Variants in SLC24A3 observed in about 807,000 individuals in gnomAD.
The protein encoded by SLC24A3 is solute carrier family 24 member 3.
SLC24A3 carries 28 observed loss-of-function variants against 75.8 expected under a neutral mutation model. The observed-to-expected ratio is 0.37, with a 90% CI of 0.27 to 0.51. SLC24A3 has a LOEUF of 0.51. Ranked by LOEUF, SLC24A3 falls within the 20% of genes least tolerant of loss-of-function variation. The pLI, the probability that SLC24A3 is intolerant of heterozygous loss-of-function variation, is 0.94. For synonymous variants in SLC24A3, 372 were observed against 334.1 expected, an observed-to-expected ratio of 1.11 and a Z score of -1.24; for missense variants, 663 against 847.8, an observed-to-expected ratio of 0.78 and a Z score of 2.71.
At chr20:19,577,263 G>C (rs2031151724) in intron 3 of SLC24A3, among the ~76,000 whole-genome samples, 1 of 152,084 alleles carries the variant, frequency 6.6e-6, no homozygotes, top group South Asian at 2.1e-4. Flanking sequence ...CACCATGTTA[G>C]CCAGGATGGT....
At chr20:19,625,064 A>C (rs2031851396) in intron 6 of SLC24A3, among the ~76,000 whole-genome samples, 1 of 152,262 alleles carries the variant, frequency 6.6e-6, no homozygotes, top group Non-Finnish European at 1.5e-5. Context: ...TTGTTCACAC[A>C]GTGTAGTGGA....
chr20:19,524,942 T>G (rs2030171136), intron 3 of SLC24A3, among the ~76,000 whole-genome samples: 1 of 152,186 alleles, frequency 6.6e-6, no homozygotes. Flanking sequence ...AACCAAATGC[T>G]CTAATTTATC....
chr20:19,339,407 T>C (rs1348957260), intron 2 of SLC24A3, among the ~76,000 whole-genome samples: 1 of 152,200 alleles, frequency 6.6e-6, no homozygotes, highest in Non-Finnish European at 1.5e-5. Context: ...TATCACTCAG[T>C]CTATATAACC....
intron 12 of SLC24A3, 54 bp from the exon 13 acceptor site, chr20:19,693,203 CTG>C (rs922671037): frequency 7.7e-6 from 12 of 1,551,084 alleles, no homozygotes; most frequent in Non-Finnish European, 8.7e-6. Context: ...ATAAAGCTAA[CTG>C]GGGTTCTTTG....
chr20:19,567,616 A>G (rs1433522237), intron 3 of SLC24A3, among the ~76,000 whole-genome samples: 1 of 152,218 alleles, frequency 6.6e-6, no homozygotes, highest in East Asian at 1.9e-4. Flanking sequence ...CATTCAGTTT[A>G]CCCATGTAAC....
chr20:19,500,038 G>A (rs899691501), intron 2 of SLC24A3, among the ~76,000 whole-genome samples: 1 of 152,152 alleles, frequency 6.6e-6, no homozygotes, highest in African/African-American at 2.4e-5. Context: ...TGGATGTAGC[G>A]ACTCTGCCCT....
intron 1 of SLC24A3, among the ~76,000 whole-genome samples, chr20:19,222,224 G>A (rs527632434): frequency 2.6e-5 from 4 of 152,104 alleles, no homozygotes; most frequent in Admixed American, 6.5e-5. Context: ...AAGTAGATTC[G>A]TAGTAGTATT....
At chr20:19,609,029 A>C (rs1284405814) in intron 6 of SLC24A3, among the ~76,000 whole-genome samples, 1 of 152,210 alleles carries the variant, frequency 6.6e-6, no homozygotes, top group Non-Finnish European at 1.5e-5. Context: ...GGCATTAATG[A>C]AGGAGGCTCC....
chr20:19,280,896 A>G, intron 1 of SLC24A3, 63 bp from the exon 2 acceptor site: 1 of 1,566,210 alleles, frequency 6.4e-7, no homozygotes. Flanking sequence ...GCGGGCATGC[A>G]GCGTCGGCAG....
chr20:19,252,182 T>C (rs55673379), intron 1 of SLC24A3, among the ~76,000 whole-genome samples: 1 of 152,194 alleles, frequency 6.6e-6, no homozygotes, highest in Admixed American at 6.5e-5. Context: ...GCAAATATTG[T>C]TCCTCTTGAC....
intron 2 of SLC24A3, among the ~76,000 whole-genome samples, chr20:19,487,518 A>G: frequency 6.6e-6 from 1 of 152,218 alleles, no homozygotes; most frequent in South Asian, 2.1e-4. Flanking sequence ...CTGATTTGGT[A>G]GGAAACCAGG....
intron 6 of SLC24A3, among the ~76,000 whole-genome samples, chr20:19,634,223 A>T (rs1321949240): frequency 6.6e-6 from 1 of 152,202 alleles, no homozygotes; most frequent in African/African-American, 2.4e-5. Flanking sequence ...TTATCAAAGC[A>T]TGCCTGAGTC....
chr20:19,449,908 T>C (rs1294630851), intron 2 of SLC24A3, among the ~76,000 whole-genome samples: 1 of 152,196 alleles, frequency 6.6e-6, no homozygotes, highest in East Asian at 1.9e-4. Flanking sequence ...TAAGGGGAAA[T>C]AAATACCTTT....
intron 6 of SLC24A3, among the ~76,000 whole-genome samples, chr20:19,628,586 G>C (rs1455153248): frequency 6.6e-6 from 1 of 152,182 alleles, no homozygotes; most frequent in Non-Finnish European, 1.5e-5. Context: ...GATTTTGGGG[G>C]TGCTTCTCAG....
At chr20:19,576,804 G>T (rs1468641170) in intron 3 of SLC24A3, among the ~76,000 whole-genome samples, 2 of 152,152 alleles carry the variant, frequency 1.3e-5, no homozygotes, top group Non-Finnish European at 2.9e-5. Flanking sequence ...GGCAGTGTTG[G>T]CTGTTTCAGT....
intron 2 of SLC24A3, among the ~76,000 whole-genome samples, chr20:19,368,581 C>A (rs1279515279): frequency 6.6e-6 from 1 of 152,210 alleles, no homozygotes; most frequent in Non-Finnish European, 1.5e-5. Flanking sequence ...CTGGGCCTTG[C>A]TTCTCCTTCC....
intron 1 of SLC24A3, among the ~76,000 whole-genome samples, chr20:19,227,399 T>C (rs1041388017): frequency 1.3e-5 from 2 of 152,140 alleles, no homozygotes; most frequent in African/African-American, 4.8e-5. Context: ...TCATTCTTTT[T>C]TTTTTTTGGC....
At chr20:19,334,084 A>G (rs1006455014) in intron 2 of SLC24A3, among the ~76,000 whole-genome samples, 1 of 152,000 alleles carries the variant, frequency 6.6e-6, no homozygotes. Flanking sequence ...AAGTGTGACT[A>G]TGAAGAAATC....
chr20:19,572,181 A>T (rs1288786347), intron 3 of SLC24A3, among the ~76,000 whole-genome samples: 1 of 152,044 alleles, frequency 6.6e-6, no homozygotes, highest in Admixed American at 6.6e-5. Context: ...CCCCTCTAAA[A>T]ATGTTACGTA....
Sources: allele counts gnomAD v4.1 joint callset (sites outside exome capture counted in the v4.1 genomes callset), GRCh38; gene constraint gnomAD v4.1.1; transcripts MANE v1.5; gene names NCBI Gene and HGNC (gene_info 2026-07-23, HGNC 2026-07-21).